AK9: variants seen among roughly 807,000 people sequenced by gnomAD.
The protein encoded by AK9 is adenylate kinase domain containing 1.
In AK9, 191 loss-of-function variants were observed where a neutral mutation model predicts 239.6. The ratio of observed to expected loss-of-function variants is 0.80; its 90% confidence interval spans 0.71 to 0.90. The LOEUF is 0.90. Ranked by LOEUF, AK9 falls within the 40% of genes least tolerant of loss-of-function variation. AK9 has a pLI of 0.00. For synonymous variants in AK9, 689 were observed against 721.0 expected (o/e 0.96, Z 0.71); for missense variants, 1,995 against 2,214.7 (o/e 0.90, Z 1.99).
intron 19 of AK9, among the ~76,000 whole-genome samples, chr6:109,580,609 C>T (rs904041820): frequency 6.6e-6 from 1 of 152,172 alleles, no homozygotes; most frequent in Non-Finnish European, 1.5e-5. Flanking sequence ...TTCTTTGCAT[C>T]CATTTTCCCT....
chr6:109,585,669 C>A (rs533730014), intron 18 of AK9, among the ~76,000 whole-genome samples: 2 of 152,068 alleles, frequency 1.3e-5, no homozygotes, highest in African/African-American at 4.8e-5. Context: ...TGTGTGTGTG[C>A]GTGCTAAACT....
At chr6:109,606,122 T>C (rs914992124) in intron 17 of AK9, among the ~76,000 whole-genome samples, 5 of 152,184 alleles carry the variant, frequency 3.3e-5, no homozygotes, top group African/African-American at 7.2e-5. Flanking sequence ...AACATTTTTA[T>C]ACATTACTCA....
intron 12 of AK9, among the ~76,000 whole-genome samples, chr6:109,622,214 G>T (rs12206993): frequency 0.59 from 84,511 of 142,522 alleles, 26,313 homozygotes; most frequent in East Asian, 0.85. Flanking sequence ...ATATATTTTA[G>T]ACATTATATA....
chr6:109,584,227 T>C (rs1789202520), intron 19 of AK9, among the ~76,000 whole-genome samples: 1 of 152,136 alleles, frequency 6.6e-6, no homozygotes, highest in Non-Finnish European at 1.5e-5. Context: ...GCTCTCTACC[T>C]CTGTAATTAT....
At chr6:109,629,568 C>T (rs1019449430) in intron 12 of AK9, among the ~76,000 whole-genome samples, 1 of 151,948 alleles carries the variant, frequency 6.6e-6, no homozygotes, top group African/African-American at 2.4e-5. Flanking sequence ...ACCATCTTTC[C>T]TGAATATTAT....
intron 6 of AK9, chr6:109,661,047 G>A: frequency 2.5e-6 from 1 of 400,624 alleles, no homozygotes; most frequent in Non-Finnish European, 4.9e-6. Context: ...AATGCTTAGG[G>A]ATTTATGGAT....
At position 109,563,934 on chromosome 6, in the gene AK9, G is replaced by T. The variant is rs1786126025; in HGVS notation, c.2635+146C>A. The T allele has an allele frequency of 9.7e-6, 10 of 1,027,194 alleles. No individual in the cohort carries two copies. The Admixed American group carries it at 2.6e-4, about 26-fold the overall frequency. 63.6% of individuals were successfully genotyped at this position (1,027,194 alleles called of 1,614,324 possible). ...GTTCTGATTGGTCAGGACCTGCACA[G>T]TGATAGTTGCTAAGTATTTTATACA... On this transcript the variant is annotated intron_variant, in intron 23 of 40. Coordinates refer to ENST00000424296, the MANE Select transcript of AK9 (RefSeq NM_001145128.3).
At chr6:109,540,772 G>A (rs1288240912) in intron 27 of AK9, among the ~76,000 whole-genome samples, 1 of 151,994 alleles carries the variant, frequency 6.6e-6, no homozygotes, top group Non-Finnish European at 1.5e-5. Context: ...TCTCTGGCAG[G>A]GTCAATTTCA....
At chr6:109,542,289 A>G in intron 26 of AK9, 118 bp from the exon 27 acceptor site, 3 of 966,058 alleles carry the variant, frequency 3.1e-6, no homozygotes, top group Admixed American at 3.0e-5. Context: ...GAGTAGAATG[A>G]AAGTTACCAC....
At chr6:109,592,460 T>TTTC (rs1454477092) in intron 17 of AK9, among the ~76,000 whole-genome samples, 3 of 150,558 alleles carry the variant, frequency 2.0e-5, no homozygotes, top group Non-Finnish European at 4.4e-5. Flanking sequence ...TTTTTTTTTT[T>TTTC]TTTTGAGACG....
intron 8 of AK9, among the ~76,000 whole-genome samples, chr6:109,646,177 G>GCC (rs1247589254): frequency 6.6e-6 from 1 of 152,208 alleles, no homozygotes; most frequent in Non-Finnish European, 1.5e-5. Flanking sequence ...AAACCAGAGT[G>GCC]CCTCTAATCC....
intron 19 of AK9, among the ~76,000 whole-genome samples, chr6:109,583,195 A>G (rs1476125598): frequency 6.6e-6 from 1 of 152,124 alleles, no homozygotes; most frequent in African/African-American, 2.4e-5. Context: ...TCTTTGTGAC[A>G]TCTTCCTTAT....
intron 2 of AK9, among the ~76,000 whole-genome samples, chr6:109,674,605 AT>A (rs1369802508): frequency 6.6e-6 from 1 of 152,178 alleles, no homozygotes; most frequent in African/African-American, 2.4e-5. Flanking sequence ...TCATCATTTT[AT>A]TTCCTTTCTA....
At chr6:109,507,717 T>C (rs1778255627) in intron 33 of AK9, among the ~76,000 whole-genome samples, 2 of 152,324 alleles carry the variant, frequency 1.3e-5, no homozygotes, top group South Asian at 4.1e-4. Context: ...GCCTCAGTGC[T>C]TTCCAGCTGT....
chr6:109,516,128 G>A, intron 30 of AK9, 53 bp from the exon 31 acceptor site: 13 of 1,421,784 alleles, frequency 9.1e-6, no homozygotes, highest in South Asian at 6.4e-5. Context: ...AAGGCTGGTA[G>A]TATTTAGTCA....
At chr6:109,685,334 G>A (rs1773349478) in intron 1 of AK9, among the ~76,000 whole-genome samples, 3 of 152,214 alleles carry the variant, frequency 2.0e-5, no homozygotes, top group South Asian at 2.1e-4. Flanking sequence ...CAACCTAAAT[G>A]TCCATCAATA....
chr6:109,534,934 C>A (rs1187165266), intron 27 of AK9, among the ~76,000 whole-genome samples: 1 of 152,188 alleles, frequency 6.6e-6, no homozygotes, highest in African/African-American at 2.4e-5. Context: ...AGGACATGAA[C>A]TCATCCTTTT....
intron 27 of AK9, among the ~76,000 whole-genome samples, chr6:109,540,261 C>T (rs1326741611): frequency 1.3e-5 from 2 of 152,196 alleles, no homozygotes; most frequent in Admixed American, 1.3e-4. Flanking sequence ...CCAGTTAGAG[C>T]TTCCTGGCCG....
intron 8 of AK9, among the ~76,000 whole-genome samples, chr6:109,653,179 C>T (rs984005128): frequency 2.0e-5 from 3 of 152,060 alleles, no homozygotes; most frequent in Non-Finnish European, 2.9e-5. Context: ...CACCCGTCTC[C>T]GCCTCCCAAA....
Sources: gnomAD v4.1 joint callset for allele counts (sites outside exome capture counted in the v4.1 genomes callset) on GRCh38, gnomAD v4.1.1 for gene constraint, MANE v1.5 for transcripts, NCBI Gene and HGNC (gene_info 2026-07-23, HGNC 2026-07-21) for gene names.